The following ZNF568 variants were observed in gnomAD, a reference collection of about 807,000 sequenced individuals.
The protein encoded by ZNF568 is p53 inhibitor of SCO2 activation.
Under a neutral mutation model 18.1 loss-of-function variants are expected in ZNF568, and 11 were observed. The observed-to-expected ratio is 0.61, with a 90% CI of 0.38 to 1.00. The LOEUF (loss-of-function observed/expected upper bound fraction) is 1.00. Ranked by LOEUF, ZNF568 falls within the 50% of genes least tolerant of loss-of-function variation. The probability of loss-of-function intolerance (pLI) is 0.01; values close to 1 mark genes in which losing one functional copy is unlikely to be tolerated. For synonymous variants in ZNF568, 213 were observed against 246.6 expected, an observed-to-expected ratio of 0.86 and a Z score of 1.28; for missense variants, 639 against 768.2, an observed-to-expected ratio of 0.83 and a Z score of 1.99.
chr19:36,966,168 C>T lies in ZNF568; in HGVS notation c.359-8252C>T, dbSNP rs1161852589. 2.0e-5 allele frequency among the ~76,000 whole-genome samples: 3 copies of T among 152,110 alleles called. No individual in the cohort carries two copies. The South Asian group carries it at 6.2e-4, about 32-fold the overall frequency. On this transcript the variant is annotated intron_variant, in intron 6 of 7. Transcript: ENST00000427117. The stretch of plus-strand genomic sequence containing the variant: ...GGAAGTGATTGTCCATGCCTGTAAT[C>T]CCAACTACTCGGGTGGCTGAGACAC...
At chr19:36,935,108 T>C (rs2073766227) in intron 4 of ZNF568, among the ~76,000 whole-genome samples, 1 of 152,188 alleles carries the variant, frequency 6.6e-6, no homozygotes, top group Non-Finnish European at 1.5e-5. Flanking sequence ...TTTTATAGAC[T>C]AACATATTTT....
chr19:36,922,918 C>T (rs895581920), intron 3 of ZNF568, 72 bp downstream of exon 3: 52 of 1,358,864 alleles, frequency 3.8e-5, no homozygotes, highest in Non-Finnish European at 5.1e-5. Context: ...AAAAGAAATT[C>T]ATTACTCCTA....
In ZNF568 at chr19:36,991,940, G is replaced by T. The variant is rs757855871; in HGVS notation, c.229+94G>T. 6 of 1,029,728 alleles carry T rather than the reference G, an allele frequency of 5.8e-6. No homozygotes were observed. The South Asian group carries it at 1.0e-4, about 17-fold the overall frequency. The allele number at this position is 1,029,728 out of a possible 1,614,324, so 63.8% of individuals were successfully genotyped here. A position where few individuals can be genotyped will look rare whatever the true frequency, so the allele number is the denominator to read the frequency against. Reference sequence around the variant, plus strand: ...GCACTTCAGGGATTTTGGTAGGAAAGCTGCCTAAAAAGGCTTGAGATCTGG... The same window carrying T: ...GCACTTCAGGGATTTTGGTAGGAAATCTGCCTAAAAAGGCTTGAGATCTGG... On this transcript the variant is annotated intron_variant, in intron 4 of 4. Coordinates refer to the ZNF568 transcript ENST00000433993.
At chr19:36,945,210 AGTG>A (rs2073943493) in intron 6 of ZNF568, among the ~76,000 whole-genome samples, 1 of 141,960 alleles carries the variant, frequency 7.0e-6, no homozygotes, top group South Asian at 2.3e-4. Flanking sequence ...CAGAGAGAGA[AGTG>A]TGTGTGTGTG....
intron 6 of ZNF568, among the ~76,000 whole-genome samples, chr19:36,965,705 T>A (rs1456607876): frequency 1.3e-5 from 1 of 79,078 alleles, no homozygotes; most frequent in East Asian, 2.5e-4. Flanking sequence ...GATCAAGGAC[T>A]TTTTTTTTTT....
chr19:36,950,844 G>A lies in ZNF568; in HGVS notation c.1691G>A (p.Gly564Asp). The change falls in exon 7 of 7, where the codon GGT becomes GAT. Residue 564 changes from glycine (G) to aspartate (D), a missense_variant. Physicochemically the swap from Gly to Asp is moderately conservative, Grantham distance 94. Coordinates refer to ENST00000333987, the MANE Select transcript of ZNF568 (RefSeq NM_198539.4). The part of the protein sequence containing the change: ...GEKPFKCNEC[G>D]KAFSRISSLT... ...AAACCATTCAAATGTAATGAATGTG[G>A]TAAAGCCTTCTCTCGAATCTCATCC... 6.2e-7 allele frequency: 1 copy of A among 1,613,748 alleles called. No individual in the cohort carries two copies. The highest frequency in any genetic ancestry group is 8.5e-7 in the Non-Finnish European group (1 of 1,179,912).
chr19:36,962,119 ATG>A (rs1226249927), intron 6 of ZNF568, among the ~76,000 whole-genome samples: 1 of 101,524 alleles, frequency 9.8e-6, no homozygotes, highest in African/African-American at 4.2e-5. Flanking sequence ...TTGTTGTTTT[ATG>A]TTTTTTTTTT....
intron 4 of ZNF568, among the ~76,000 whole-genome samples, chr19:36,933,641 T>C (rs1041570316): frequency 1.3e-5 from 2 of 152,026 alleles, no homozygotes; most frequent in Non-Finnish European, 1.5e-5. Context: ...TTTGTTAGCA[T>C]TGAGGATTTT....
In ZNF568 at chr19:36,916,580, G is replaced by A. The variant is rs2073337263; in HGVS notation, c.-267G>A. ...AGTAGCGGCAGTGGGGAGTGCTCAG[G>A]GTACGCTAATGGTGAGTGGTTGCAG... On this transcript the variant is annotated 5_prime_UTR_variant, in exon 1 of 7. Coordinates refer to ENST00000333987, the MANE Select transcript of ZNF568 (RefSeq NM_198539.4). This position sits in a 1 kb window ranked among gnomAD's most constrained non-coding sequence, Gnocchi z 5.3. 1 of 152,610 alleles carries A rather than the reference G, an allele frequency of 6.6e-6. No homozygotes were observed. The highest frequency in any genetic ancestry group is 6.5e-5 in the Admixed American group (1 of 15,270). 9.5% of individuals were successfully genotyped at this position (152,610 alleles called of 1,614,324 possible).
chr19:36,925,009 A>G (rs1054416860), intron 3 of ZNF568, among the ~76,000 whole-genome samples, 191 bp from the exon 4 acceptor site: 4 of 152,134 alleles, frequency 2.6e-5, no homozygotes, highest in Non-Finnish European at 5.9e-5. Context: ...ATAAATCCCC[A>G]TCAGACCCCA....
chr19:36,949,947 T>G lies in ZNF568; in HGVS notation c.794T>G (p.Leu265Arg). ...CGKAFSRKEN[L>R]ITHQKIHTGE... Reference sequence around the variant, plus strand: ...AAAGCCTTCAGTAGGAAGGAAAATCTTATTACACATCAGAAAATTCATACT... The same window carrying G: ...AAAGCCTTCAGTAGGAAGGAAAATCGTATTACACATCAGAAAATTCATACT... The change falls in exon 7 of 7, where the codon CTT becomes CGT. Residue 265 changes from leucine to arginine, a missense_variant. Transcript: ENST00000333987. 6.2e-7 allele frequency: 1 copy of G among 1,613,876 alleles called. No individual in the cohort carries two copies. The highest frequency in any genetic ancestry group is 1.7e-4 in the Middle Eastern group (1 of 6,052).
intron 6 of ZNF568, among the ~76,000 whole-genome samples, chr19:36,961,832 A>C (rs1198392706): frequency 6.7e-6 from 1 of 150,158 alleles, no homozygotes; most frequent in East Asian, 2.0e-4. Context: ...AAAGGTTATT[A>C]TTCACATACG....
chr19:36,934,232 G>A (rs1400351944), intron 4 of ZNF568, among the ~76,000 whole-genome samples: 1 of 148,018 alleles, frequency 6.8e-6, no homozygotes, highest in African/African-American at 2.5e-5. Context: ...AAATTTCTTT[G>A]ATTTCCATTC....
chr19:36,948,700 A>C (rs1318456359), intron 6 of ZNF568, among the ~76,000 whole-genome samples: 1 of 128,944 alleles, frequency 7.8e-6, no homozygotes, highest in African/African-American at 3.1e-5. Context: ...TCCTACATAG[A>C]TGATCACATC....
intron 6 of ZNF568, chr19:36,974,309 T>G: frequency 1.2e-6 from 1 of 866,948 alleles, no homozygotes; most frequent in African/African-American, 1.7e-5. Flanking sequence ...GCGTTGCAGC[T>G]TCTTTGGTCT....
At chr19:36,974,099 A>C (rs2074260535) in intron 6 of ZNF568, among the ~76,000 whole-genome samples, 1 of 152,136 alleles carries the variant, frequency 6.6e-6, no homozygotes, top group Non-Finnish European at 1.5e-5. Context: ...CAGCAGTTTG[A>C]GACCCTGACA....
At chr19:36,997,725 T>A (rs1346976370), downstream of ZNF568, 1 of 753,130 alleles carries the variant, frequency 1.3e-6, no homozygotes, top group Non-Finnish European at 2.2e-6. Context: ...AATGAAGAAA[T>A]GAGGGATGGC....
intron 4 of ZNF568, among the ~76,000 whole-genome samples, chr19:36,925,960 C>T (rs2073546573): frequency 6.6e-6 from 1 of 152,094 alleles, no homozygotes; most frequent in East Asian, 1.9e-4. Context: ...ACTGTAATTC[C>T]TTAATTCTTA....
chr19:36,950,207 C>T lies in ZNF568; in HGVS notation c.1054C>T (p.His352Tyr), dbSNP rs780676192. The change falls in exon 7 of 7, where the codon CAC becomes TAC. Residue 352 changes from histidine to tyrosine, a missense_variant. Coordinates refer to ENST00000333987, the MANE Select transcript of ZNF568 (RefSeq NM_198539.4). The stretch of plus-strand genomic sequence containing the variant: ...CAGCCAGAAGCAAAATCTTATTGAG[C>T]ACGAGAAAATTCATACTGGGGAGAA... ...SFSQKQNLIE[H>Y]EKIHTGEKPY... 5 of 1,613,482 alleles carry T rather than the reference C, an allele frequency of 3.1e-6. No individual in the cohort carries two copies. In the South Asian group the frequency reaches 5.5e-5, roughly 18 times the overall value.
Sources: allele counts gnomAD v4.1 joint callset (sites outside exome capture counted in the v4.1 genomes callset), GRCh38; gene constraint gnomAD v4.1.1; non-coding constraint Gnocchi (gnomAD v3.1); transcripts MANE v1.5; gene names NCBI Gene and HGNC (gene_info 2026-07-23, HGNC 2026-07-21).